The following PDXDC1 variants were observed in gnomAD, a reference collection of about 807,000 sequenced individuals.
PDXDC1 encodes pyridoxal dependent decarboxylase domain containing 1, also known as pyridoxal-dependent decarboxylase domain-containing protein 1.
In PDXDC1, 42 loss-of-function variants were observed where a neutral mutation model predicts 100.1. That is an observed-to-expected ratio of 0.42 (90% confidence interval 0.33 to 0.54). PDXDC1 has a LOEUF of 0.54. Ranked by LOEUF, PDXDC1 falls within the 20% of genes least tolerant of loss-of-function variation. PDXDC1 has a pLI of 0.10. For synonymous variants in PDXDC1, 260 were observed against 371.7 expected, an observed-to-expected ratio of 0.70 and a Z score of 3.46; for missense variants, 636 against 979.2, an observed-to-expected ratio of 0.65 and a Z score of 4.68.
At chr16:15,034,680 C>A in intron 21 of PDXDC1, 127 bp downstream of exon 21, 1 of 739,302 alleles carries the variant, frequency 1.4e-6, no homozygotes, top group Non-Finnish European at 2.3e-6. Flanking sequence ...GGGTGTGGGC[C>A]GGACATCTGA....
intron 4 of PDXDC1, among the ~76,000 whole-genome samples, chr16:15,002,415 C>T (rs1237562328): frequency 2.6e-5 from 4 of 152,294 alleles, no homozygotes; most frequent in Non-Finnish European, 4.4e-5. Flanking sequence ...TGCCCACCCT[C>T]TCTAATACAT....
In PDXDC1 at chr16:15,026,246, C is replaced by A. The variant is rs1219014593; in HGVS notation, c.1141-397C>A. On this transcript the variant is annotated intron_variant, in intron 13 of 22. Coordinates refer to ENST00000396410, the MANE Select transcript of PDXDC1 (RefSeq NM_015027.4). ...AGCAAGACCCCATCTCTAAAAAAAC[C>A]GTTTAAGTTTCAATAAATCCTGCAT... The A allele has an allele frequency of 3.4e-5, 8 of 234,326 alleles. No homozygotes were observed. The East Asian group carries it at 6.9e-4, about 20-fold the overall frequency. The allele number at this position is 234,326 out of a possible 1,614,324, so 14.5% of individuals were successfully genotyped here.
chr16:15,056,126 G>A (rs1040759827), intron 16 of PDXDC1: 9 of 180,212 alleles, frequency 5.0e-5, no homozygotes, highest in Non-Finnish European at 3.3e-5. Flanking sequence ...TCCAGGCGGA[G>A]GCGGTGCCGG....
chr16:15,031,807 G>T lies in PDXDC1; in HGVS notation c.1472G>T (p.Cys491Phe). 6.2e-7 allele frequency: 1 copy of T among 1,613,952 alleles called. No individual in the cohort carries two copies. The highest frequency in any genetic ancestry group is 8.5e-7 in the Non-Finnish European group (1 of 1,179,856). The part of the protein sequence containing the change: ...CIESKLPVLC[C>F]TLQLREEFKQ... Reference sequence around the variant, plus strand: ...GAAAGCAAACTGCCAGTGCTGTGCTGTACGCTCCAGTTGCGTGAAGAGTTC... The same window carrying T: ...GAAAGCAAACTGCCAGTGCTGTGCTTTACGCTCCAGTTGCGTGAAGAGTTC... The change falls in exon 17 of 23, where the codon TGT becomes TTT. Residue 491 changes from cysteine to phenylalanine, a missense_variant. By Grantham distance (205) the Cys-to-Phe change is radical. Transcript: ENST00000396410.
intron 8 of PDXDC1, among the ~76,000 whole-genome samples, chr16:15,012,562 G>C (rs1172117977): frequency 2.0e-5 from 3 of 152,258 alleles, no homozygotes; most frequent in Admixed American, 6.5e-5. Flanking sequence ...TGTTAGAATG[G>C]AGAAATTACA....
intron 16 of PDXDC1, among the ~76,000 whole-genome samples, chr16:15,058,731 C>CA (rs893121495): frequency 6.6e-5 from 10 of 151,194 alleles, no homozygotes; most frequent in Non-Finnish European, 1.2e-4. Flanking sequence ...ACTCTTGTCT[C>CA]AAAAAAAAGA....
chr16:15,042,310 C>A (rs997722512), downstream of PDXDC1, among the ~76,000 whole-genome samples: 4 of 151,378 alleles, frequency 2.6e-5, no homozygotes, highest in Middle Eastern at 3.4e-3. Context: ...CTCAGCCTCC[C>A]AAGTAGCTGG....
intron 16 of PDXDC1, chr16:15,135,917 A>G: frequency 6.3e-7 from 1 of 1,585,998 alleles, no homozygotes; most frequent in Non-Finnish European, 8.6e-7. Flanking sequence ...CGGCAGCACC[A>G]GCTGAGGCCG....
At chr16:15,100,591 C>G (rs765758386) in intron 16 of PDXDC1, among the ~76,000 whole-genome samples, 1 of 152,156 alleles carries the variant, frequency 6.6e-6, no homozygotes, top group Non-Finnish European at 1.5e-5. Flanking sequence ...ATGACAGTAG[C>G]ACTCCTCTCC....
intron 16 of PDXDC1, chr16:15,073,113 A>G (rs2045305461): frequency 6.3e-7 from 1 of 1,599,382 alleles, no homozygotes; most frequent in Non-Finnish European, 8.5e-7. Context: ...CAGTTTTTAT[A>G]AAGACATATT....
chr16:15,111,884 T>G (rs1363295575), intron 16 of PDXDC1, among the ~76,000 whole-genome samples: 1 of 149,856 alleles, frequency 6.7e-6, no homozygotes, highest in Non-Finnish European at 1.5e-5. Context: ...TTTCACAACT[T>G]GAAAAGGAAG....
chr16:15,150,270 G>A, the PDXDC1 span, among the ~76,000 whole-genome samples: 38 of 151,984 alleles, frequency 2.5e-4, 1 homozygote, highest in Admixed American at 6.5e-4. Flanking sequence ...GAACCCAGGC[G>A]GCGGAGCTTG....
At chr16:15,076,613 T>C in intron 16 of PDXDC1, 1 of 1,613,030 alleles carries the variant, frequency 6.2e-7, no homozygotes, top group East Asian at 2.2e-5. Flanking sequence ...AGTTGCTGTT[T>C]CTTCAGCATC....
chr16:15,059,846 G>T (rs1308559405), intron 16 of PDXDC1, among the ~76,000 whole-genome samples: 6 of 151,984 alleles, frequency 3.9e-5, no homozygotes, highest in Non-Finnish European at 8.8e-5. Flanking sequence ...AAGGAGAGTC[G>T]CGGATACTTC....
intron 1 of PDXDC1, among the ~76,000 whole-genome samples, chr16:14,984,759 C>G (rs1968934176): frequency 2.0e-5 from 3 of 151,902 alleles, no homozygotes; most frequent in Admixed American, 6.6e-5. Context: ...CCCAAAGTGC[C>G]AGAATTACAG....
chr16:15,059,067 G>A (rs1177387345), intron 16 of PDXDC1, among the ~76,000 whole-genome samples: 47 of 152,204 alleles, frequency 3.1e-4, no homozygotes, highest in Non-Finnish European at 2.6e-4. Flanking sequence ...GTATGCAGTT[G>A]TACACCAATG....
In PDXDC1 at chr16:15,121,958, T is replaced by C. The variant is rs930411335; in HGVS notation, c.1400-16921T>C. On this transcript the variant is annotated intron_variant, in intron 16 of 16. Transcript: ENST00000535621. Reference sequence around the variant, plus strand: ...GAGATGGAGACTATCCTGGCGAACATGGTGAAACCCAGTCTCTACTAAAAA... The same window carrying C: ...GAGATGGAGACTATCCTGGCGAACACGGTGAAACCCAGTCTCTACTAAAAA... 6.7e-5 allele frequency: 16 copies of C among 239,876 alleles called. No homozygotes were observed. In the East Asian group the frequency reaches 8.5e-4, roughly 13 times the overall value. The allele number at this position is 239,876 out of a possible 1,614,324, so 14.9% of individuals were successfully genotyped here. A position where few individuals can be genotyped will look rare whatever the true frequency, so the allele number is the denominator to read the frequency against.
chr16:15,100,504 C>T (rs1254974296), intron 16 of PDXDC1, among the ~76,000 whole-genome samples: 1 of 152,174 alleles, frequency 6.6e-6, no homozygotes, highest in Non-Finnish European at 1.5e-5. Context: ...CAACCAGATA[C>T]TTCTCTGTTG....
At chr16:14,975,690 A>G (rs1383740732) in intron 1 of PDXDC1, 1 of 984,388 alleles carries the variant, frequency 1.0e-6, no homozygotes, top group African/African-American at 1.7e-5. Flanking sequence ...GTGGTTTTCC[A>G]ACTTCAGCCT....
Sources: allele counts gnomAD v4.1 joint callset (sites outside exome capture counted in the v4.1 genomes callset), GRCh38; gene constraint gnomAD v4.1.1; transcripts MANE v1.5; gene names NCBI Gene and HGNC (gene_info 2026-07-23, HGNC 2026-07-21).